Variants in SLC20A1 observed in about 807,000 individuals in gnomAD.
SLC20A1 encodes the protein solute carrier family 20 member 1.
SLC20A1 carries 28 observed loss-of-function variants against 62.7 expected under a neutral mutation model. The ratio of observed to expected loss-of-function variants is 0.45; its 90% confidence interval spans 0.33 to 0.61. The LOEUF (loss-of-function observed/expected upper bound fraction) is 0.61. SLC20A1 is among the 20% of genes least tolerant of loss of function. The pLI is 0.02. For missense variants in SLC20A1, 673 were observed against 838.6 expected (o/e 0.80, Z 2.44); for synonymous variants, 305 against 302.9 (o/e 1.01, Z -0.07).
rs1686258226 is a variant in SLC20A1 at position 112,645,971 on chromosome 2, T to G, written c.-425T>G. ...TGGCTGCCGGCGCTCTCTGCGTGGT[T>G]CTTCTTCTCGGCCGCTGAAACCCCC... On this transcript the variant is annotated 5_prime_UTR_variant, in exon 1 of 11. Transcript: ENST00000272542. 6.6e-6 allele frequency: 1 copy of G among 151,958 alleles called. No homozygotes were observed. Among genetic ancestry groups the G allele is most frequent in the Non-Finnish European group, 1.5e-5 (1 of 68,186 alleles). 9.4% of individuals were successfully genotyped at this position (151,958 alleles called of 1,614,324 possible). A position where few individuals can be genotyped will look rare whatever the true frequency, so the allele number is the denominator to read the frequency against.
chr2:112,657,090 G>A (rs1362850874), intron 5 of SLC20A1, 32 bp from the exon 6 acceptor site: 1 of 1,613,562 alleles, frequency 6.2e-7, no homozygotes. Context: ...TGTTGCCCTG[G>A]GGTTTTCAAG....
intron 5 of SLC20A1, among the ~76,000 whole-genome samples, chr2:112,656,322 G>A (rs1012817135): frequency 1.3e-5 from 2 of 149,014 alleles, no homozygotes; most frequent in Non-Finnish European, 3.0e-5. Context: ...TCAGCCTCCC[G>A]AGTAGCTGGG....
rs998862364 is a variant in SLC20A1, at chr2:112,662,957, G to A, written c.1972G>A (p.Val658Ile). Residue 658 changes from valine to isoleucine, a missense_variant, in exon 11 of 11, where the codon GTC (valine) becomes ATC (isoleucine). Coordinates refer to ENST00000272542, the MANE Select transcript of SLC20A1 (RefSeq NM_005415.5). ...CATTTTTATGGCCTGGTTTGTCACA[G>A]TCCCCATTTCTGGAGTTATCAGTGC... is the stretch of plus-strand genomic sequence containing the variant. The part of the protein sequence containing the change: ...RNIFMAWFVT[V>I]PISGVISAAI... The A allele has an allele frequency of 6.2e-7, 1 of 1,614,056 alleles. No individual in the cohort carries two copies. Among genetic ancestry groups the A allele is most frequent in the Non-Finnish European group, 8.5e-7 (1 of 1,180,022 alleles).
At position 112,663,436 on chromosome 2, in the gene SLC20A1, C is replaced by G. The variant is rs1022644345; in HGVS notation, c.*411C>G. On this transcript the variant is annotated 3_prime_UTR_variant, in exon 11 of 11. Coordinates refer to ENST00000272542, the MANE Select transcript of SLC20A1 (RefSeq NM_005415.5). ...TGTTGGTTTCACCAGCTTCTGCCCT[C>G]ACATGCACAGGGATTTAACAACAAA... 1 of 330,712 alleles carries G rather than the reference C, an allele frequency of 3.0e-6. No individual in the cohort carries two copies. Among genetic ancestry groups the G allele is most frequent in the Non-Finnish European group, 5.8e-6 (1 of 172,786 alleles). 20.5% of individuals were successfully genotyped at this position (330,712 alleles called of 1,614,324 possible). A position where few individuals can be genotyped will look rare whatever the true frequency, so the allele number is the denominator to read the frequency against.
intron 5 of SLC20A1, 115 bp from the exon 6 acceptor site, chr2:112,657,007 T>C (rs1427048091): frequency 2.5e-6 from 3 of 1,196,014 alleles, no homozygotes; most frequent in East Asian, 4.7e-5. Flanking sequence ...TGGCAGCAGC[T>C]GTCAGGGGTG....
chr2:112,660,548 A>C lies in SLC20A1; in HGVS notation c.1769A>C (p.Asp590Ala). 1 of 1,614,048 alleles carries C rather than the reference A, an allele frequency of 6.2e-7. No individual in the cohort carries two copies. Among genetic ancestry groups the C allele is most frequent in the East Asian group, 2.2e-5 (1 of 44,874 alleles). Residue 590 changes from aspartate to alanine, a missense_variant, in exon 9 of 11, where the codon GAT (aspartate) becomes GCT (alanine). Asp to Ala is a moderately radical substitution (Grantham distance 126). Coordinates refer to ENST00000272542, the MANE Select transcript of SLC20A1 (RefSeq NM_005415.5). ...AGAGTTATCCAGACCATGGGGAAGG[A>C]TCTGACACCGATCACACCCTCTAGG... ...GRRVIQTMGK[D>A]LTPITPSSGF...
chr2:112,662,737 C>CCAGCTTTCTTGGA (rs1258954397), intron 10 of SLC20A1, 127 bp from the exon 11 acceptor site: 10 of 872,772 alleles, frequency 1.1e-5, no homozygotes, highest in Non-Finnish European at 1.7e-5. Context: ...CTGTTGTAAA[C>CCAGCTTTCTTGGA]CAGCTTTCTT....
chr2:112,659,299 C>T lies in SLC20A1; in HGVS notation c.1144C>T (p.His382Tyr), dbSNP rs1224576423. 1.7e-5 allele frequency: 27 copies of T among 1,614,074 alleles called. No individual in the cohort carries two copies. Among genetic ancestry groups the T allele is most frequent in the Non-Finnish European group, 2.3e-5 (27 of 1,180,040 alleles). The change falls in exon 8 of 11, where the codon CAT (histidine) becomes TAT (tyrosine). Residue 382 changes from histidine (H) to tyrosine (Y), a missense_variant. Transcript: ENST00000272542. Reference protein sequence around the residue: ...SSGHYQYHTVHKDSGLYKELL... With the variant: ...SSGHYQYHTVYKDSGLYKELL... ...TGGCCACTACCAGTATCACACCGTG[C>T]ATAAGGATTCCGGCCTGTACAAAGA...
intron 9 of SLC20A1, chr2:112,660,862 A>C (rs1251253914): frequency 2.8e-5 from 12 of 424,020 alleles, no homozygotes; most frequent in Non-Finnish European, 5.0e-5. Context: ...CTTGGGAGCT[A>C]AGACTCAATG....
rs1686611625 is a variant in SLC20A1, at chr2:112,657,108, A to G, written c.659-14A>G. The stretch of plus-strand genomic sequence containing the variant: ...TGCCCTGGGGTTTTCAAGATGCACC[A>G]TTTTATCTCCTAGTGCTGGGCTTTG... On this transcript the variant is annotated splice_polypyrimidine_tract_variant and intron_variant, in intron 5 of 10. Coordinates refer to ENST00000272542, the MANE Select transcript of SLC20A1 (RefSeq NM_005415.5). The G allele has an allele frequency of 1.9e-6, 3 of 1,612,758 alleles. No individual in the cohort carries two copies. Among genetic ancestry groups the G allele is most frequent in the South Asian group, 1.1e-5 (1 of 91,064 alleles).
intron 5 of SLC20A1, among the ~76,000 whole-genome samples, chr2:112,656,165 CTT>C (rs1218285902): frequency 1.4e-5 from 2 of 146,236 alleles, no homozygotes; most frequent in Non-Finnish European, 3.0e-5. Flanking sequence ...TACCACTAAA[CTT>C]TGTGTGTGAG....
At chr2:112,652,610 T>C (rs1406009460) in intron 4 of SLC20A1, 92 bp from the exon 5 acceptor site, 18 of 993,534 alleles carry the variant, frequency 1.8e-5, no homozygotes, top group Non-Finnish European at 2.7e-5. Context: ...TTATTGGCAC[T>C]ATAATTCCCA....
Position 112,646,733 on chromosome 2 carries a change from A to G in SLC20A1, c.-96A>G. On this transcript the variant is annotated 5_prime_UTR_variant, in exon 2 of 11. It adds an upstream start codon to the 5' untranslated region. Transcript: ENST00000272542. ...CAGTATTTAATTTTATATAATATAT[A>G]TTATTTATTATAGCATTTTTGATAC... The G allele has an allele frequency of 5.2e-6, 3 of 573,694 alleles. No individual in the cohort carries two copies. The highest frequency in any genetic ancestry group is 3.3e-5 in the East Asian group (1 of 30,484). The allele number at this position is 573,694 out of a possible 1,614,324, so 35.5% of individuals were successfully genotyped here.
intron 9 of SLC20A1, 23 bp from the exon 10 acceptor site, chr2:112,661,119 C>A: frequency 6.2e-7 from 1 of 1,601,314 alleles, no homozygotes; most frequent in Non-Finnish European, 8.6e-7. Context: ...CACTTCCTGA[C>A]AAGAATCCTT....
chr2:112,649,007 C>G (rs1686358643), intron 4 of SLC20A1, among the ~76,000 whole-genome samples: 1 of 152,158 alleles, frequency 6.6e-6, no homozygotes, highest in Non-Finnish European at 1.5e-5. Context: ...TGAATTCCTG[C>G]TTGGTAAAGG....
chr2:112,653,122 A>T (rs1686484983), intron 5 of SLC20A1: 1 of 419,242 alleles, frequency 2.4e-6, no homozygotes, highest in Admixed American at 3.5e-5. Flanking sequence ...CAACTACTGA[A>T]GTCATTAGTT....
At chr2:112,658,639 G>A in intron 6 of SLC20A1, 186 bp from the exon 7 acceptor site, 2 of 668,030 alleles carry the variant, frequency 3.0e-6, no homozygotes, top group Non-Finnish European at 4.8e-6. Context: ...CTGCATTGCT[G>A]GTTGTTCCCA....
chr2:112,662,672 C>T (rs1031761163), intron 10 of SLC20A1, among the ~76,000 whole-genome samples, 192 bp from the exon 11 acceptor site: 5 of 152,202 alleles, frequency 3.3e-5, no homozygotes, highest in African/African-American at 9.6e-5. Context: ...CTTTTACTAC[C>T]GTTAGTATAG....
At chr2:112,648,799 G>C (rs547962692) in intron 4 of SLC20A1, among the ~76,000 whole-genome samples, 1 of 152,184 alleles carries the variant, frequency 6.6e-6, no homozygotes, top group Admixed American at 6.5e-5. Flanking sequence ...GTTTGGTACT[G>C]TTTTATTCAG....
Sources: allele counts gnomAD v4.1 joint callset (sites outside exome capture counted in the v4.1 genomes callset), GRCh38; gene constraint gnomAD v4.1.1; transcripts MANE v1.5; gene names NCBI Gene and HGNC (gene_info 2026-07-23, HGNC 2026-07-21).